Variants in TENM4 observed in about 807,000 individuals in gnomAD.
TENM4 encodes teneurin-4.
A neutral mutation model predicts 243.3 loss-of-function variants in TENM4; 82 were observed. The observed-to-expected ratio is 0.34, with a 90% CI of 0.28 to 0.40. The LOEUF is 0.40. TENM4 is among the 10% of genes least tolerant of loss of function. The probability of loss-of-function intolerance (pLI) is 1.00; values close to 1 mark genes in which losing one functional copy is unlikely to be tolerated. For missense variants in TENM4, 3,138 were observed against 3,673.3 expected (o/e 0.85, Z 3.77); for synonymous variants, 1,412 against 1,456.3 (o/e 0.97, Z 0.69).
At chr11:79,207,691 C>A (rs1003947312) in intron 3 of TENM4, among the ~76,000 whole-genome samples, 2 of 151,676 alleles carry the variant, frequency 1.3e-5, no homozygotes, top group Non-Finnish European at 2.9e-5. Flanking sequence ...ATGGTGAAAC[C>A]CCGTCTCTAC....
chr11:78,862,478 G>A (rs929868435), intron 10 of TENM4, among the ~76,000 whole-genome samples: 7 of 152,154 alleles, frequency 4.6e-5, no homozygotes, highest in African/African-American at 1.7e-4. Context: ...AGGCAAATAA[G>A]TGACTTGCTC....
Position 78,725,771 on chromosome 11 carries a change from T to A in TENM4, c.3550+308A>T, listed in dbSNP as rs117315014. Among the ~76,000 whole-genome samples the A allele has an allele frequency of 2.7e-3, 410 of 152,332 alleles. 3 individuals carry two copies. Among genetic ancestry groups the A allele is most frequent in the Admixed American group, 4.2e-3 (64 of 15,302 alleles). ...GACGCTGGGTGAGGTGCTCTTCTTC[T>A]AGCCTTCATAGTGCCCTGTGCCTCC... On this transcript the variant is annotated intron_variant, in intron 23 of 33. Coordinates refer to ENST00000278550, the MANE Select transcript of TENM4 (RefSeq NM_001098816.3).
At chr11:79,205,750 T>C (rs912990785) in intron 3 of TENM4, among the ~76,000 whole-genome samples, 3 of 152,252 alleles carry the variant, frequency 2.0e-5, no homozygotes, top group Admixed American at 6.5e-5. Context: ...TTGGCTATTA[T>C]AATAACTAGA....
intron 12 of TENM4, among the ~76,000 whole-genome samples, chr11:78,825,502 T>C (rs1857830534): frequency 6.6e-6 from 1 of 152,138 alleles, no homozygotes; most frequent in Admixed American, 6.5e-5. Flanking sequence ...GTGATGATAA[T>C]ATCCTTGGGC....
chr11:79,073,782 C>G (rs1860473574), intron 4 of TENM4, among the ~76,000 whole-genome samples: 1 of 152,112 alleles, frequency 6.6e-6, no homozygotes, highest in Admixed American at 6.5e-5. Context: ...GTGCCCCTAG[C>G]ATATACAGCC....
chr11:78,862,588 C>A (rs180876118), intron 10 of TENM4, among the ~76,000 whole-genome samples: 3 of 152,222 alleles, frequency 2.0e-5, no homozygotes, highest in Non-Finnish European at 4.4e-5. Flanking sequence ...CATCTACCTG[C>A]CTCCCCATAC....
chr11:78,812,249 G>C lies in TENM4; in HGVS notation c.1851C>G (p.Gly617=). The stretch of plus-strand genomic sequence containing the variant: ...GCACATCGCACTCAGCGCCTTTCCA[G>C]CCACTGTGGCACAAGCATCTGCCTT... ...YMKGRCLCHS[G]WKGAECDVPT... is the part of the protein sequence containing the mutation. The change falls in exon 14 of 34, where the codon GGC becomes GGG. Residue 617 remains glycine, a synonymous_variant. Transcript: ENST00000278550. 6.4e-7 allele frequency: 1 copy of C among 1,552,094 alleles called. No individual in the cohort carries two copies. Among genetic ancestry groups the C allele is most frequent in the Non-Finnish European group, 8.7e-7 (1 of 1,147,212 alleles).
chr11:79,044,905 C>T (rs1464191687), intron 6 of TENM4, among the ~76,000 whole-genome samples: 3 of 151,966 alleles, frequency 2.0e-5, no homozygotes, highest in Non-Finnish European at 2.9e-5. Flanking sequence ...AATAAGGTGC[C>T]CTGGGTTGTT....
At chr11:79,231,804 C>T (rs567671140) in intron 2 of TENM4, among the ~76,000 whole-genome samples, 28 of 152,314 alleles carry the variant, frequency 1.8e-4, no homozygotes, top group African/African-American at 6.5e-4. Context: ...GGGGGCCAGG[C>T]GTGATGGCTC....
chr11:78,699,135 A>G (rs1859044537), intron 28 of TENM4, among the ~76,000 whole-genome samples: 1 of 152,154 alleles, frequency 6.6e-6, no homozygotes, highest in African/African-American at 2.4e-5. Flanking sequence ...TGCATTAACA[A>G]CAACAACAAC....
chr11:79,001,203 A>C (rs1858314750), intron 6 of TENM4, among the ~76,000 whole-genome samples: 1 of 152,228 alleles, frequency 6.6e-6, no homozygotes. Context: ...ACAGCTTCAA[A>C]GTAAAAGAAT....
intron 3 of TENM4, among the ~76,000 whole-genome samples, chr11:79,197,623 C>T (rs1863657606): frequency 6.6e-6 from 1 of 152,134 alleles, no homozygotes; most frequent in Non-Finnish European, 1.5e-5. Flanking sequence ...TTCATGTTCC[C>T]ATTTGGCATT....
chr11:78,854,674 C>T (rs771454007), intron 11 of TENM4, among the ~76,000 whole-genome samples: 4 of 151,704 alleles, frequency 2.6e-5, no homozygotes, highest in Non-Finnish European at 4.4e-5. Context: ...AGCCACTTTA[C>T]AATTGGTTGA....
At chr11:79,259,404 T>C (rs1855753573) in intron 2 of TENM4, among the ~76,000 whole-genome samples, 1 of 152,154 alleles carries the variant, frequency 6.6e-6, no homozygotes, top group South Asian at 2.1e-4. Context: ...GAAAAAAATA[T>C]GTAAAAATTC....
Position 78,669,791 on chromosome 11 carries a change from G to A in TENM4, c.6554C>T (p.Pro2185Leu). Residue 2185 changes from proline (P) to leucine (L), a missense_variant, in exon 32 of 34, where the codon CCC becomes CTC. Physicochemically the swap from Pro to Leu is moderately conservative, Grantham distance 98. Coordinates refer to ENST00000278550, the MANE Select transcript of TENM4 (RefSeq NM_001098816.3). The surrounding 1 kb of genome is among the most constrained non-coding windows in gnomAD (Gnocchi z 6.4). ...GGAGTAGCGAGTGGTATTGGCGTAG[G>A]GTCCTACCTTCAGCTCCTTCTTCAC... ...RVVKKELKVG[P>L]YANTTRYSYE... is the part of the protein sequence containing the mutation. 1.9e-6 allele frequency: 3 copies of A among 1,613,868 alleles called. No individual in the cohort carries two copies. The highest frequency in any genetic ancestry group is 2.5e-6 in the Non-Finnish European group (3 of 1,179,880).
chr11:79,065,056 G>A (rs1280627717), intron 5 of TENM4, 49 bp from the exon 6 acceptor site: 1 of 1,437,632 alleles, frequency 7.0e-7, no homozygotes, highest in Admixed American at 3.0e-5. Flanking sequence ...GATGAGGTCT[G>A]CGTCTGCCTC....
At chr11:79,367,571 A>T (rs1233641160) in intron 1 of TENM4, among the ~76,000 whole-genome samples, 1 of 152,222 alleles carries the variant, frequency 6.6e-6, no homozygotes, top group Non-Finnish European at 1.5e-5. Context: ...GTCCATAGCT[A>T]CTTGTGAAAG....
At chr11:78,718,531 C>CT (rs1565347366) in intron 25 of TENM4, among the ~76,000 whole-genome samples, 2 of 152,220 alleles carry the variant, frequency 1.3e-5, no homozygotes, top group Non-Finnish European at 2.9e-5. Context: ...ACCTGGCCTT[C>CT]TGACTCTTCC....
chr11:79,276,712 C>T (rs489746), intron 2 of TENM4, among the ~76,000 whole-genome samples: 62,866 of 151,934 alleles, frequency 0.41, 15,013 homozygotes, highest in Non-Finnish European at 0.55. Flanking sequence ...GTCATCCTTA[C>T]AGGAGACTTT....
Sources: gnomAD v4.1 joint callset for allele counts (sites outside exome capture counted in the v4.1 genomes callset) on GRCh38, gnomAD v4.1.1 for gene constraint, Gnocchi (gnomAD v3.1) non-coding constraint, MANE v1.5 for transcripts, NCBI Gene and HGNC (gene_info 2026-07-23, HGNC 2026-07-21) for gene names.